Variants in TPST1 observed in about 807,000 individuals in gnomAD.
The protein encoded by TPST1 is tyrosylprotein sulfotransferase 1, also known as protein-tyrosine sulfotransferase 1.
Under a neutral mutation model 34.8 loss-of-function variants are expected in TPST1, and 20 were observed. The observed-to-expected ratio is 0.57, with a 90% confidence interval of 0.40 to 0.84. The LOEUF (loss-of-function observed/expected upper bound fraction) is 0.84. Ranked by LOEUF, TPST1 falls within the 40% of genes least tolerant of loss-of-function variation. The pLI is 0.00. For missense variants in TPST1, 353 were observed against 455.5 expected, an observed-to-expected ratio of 0.78 and a Z score of 2.05; for synonymous variants, 152 against 159.4, an observed-to-expected ratio of 0.95 and a Z score of 0.35.
intron 3 of TPST1, among the ~76,000 whole-genome samples, chr7:66,318,471 ATT>A (rs779603624): frequency 4.9e-5 from 7 of 143,360 alleles, no homozygotes; most frequent in Admixed American, 1.4e-4. Context: ...ATTCTTCAGA[ATT>A]TTTTTTTTTT....
intron 3 of TPST1, among the ~76,000 whole-genome samples, chr7:66,327,980 GTTTTTTTTTCTTTCT>G (rs1424996179): frequency 4.1e-5 from 2 of 48,724 alleles, no homozygotes; most frequent in African/African-American, 7.8e-5. Flanking sequence ...TGTTTTTGGT[GTTTTTTTTTCTTTCT>G]TTTTTTTTTC....
chr7:66,244,884 T>C (rs79308196), intron 2 of TPST1, among the ~76,000 whole-genome samples: 2,058 of 152,204 alleles, frequency 0.014, 56 homozygotes, highest in African/African-American at 0.046. Context: ...ATAGCAACTA[T>C]TAAACACAAA....
At chr7:66,223,109 C>A (rs1292022164) in intron 1 of TPST1, among the ~76,000 whole-genome samples, 2 of 152,002 alleles carry the variant, frequency 1.3e-5, no homozygotes, top group Non-Finnish European at 2.9e-5. Context: ...TAATTCAATG[C>A]CATCTTCTCT....
intron 1 of TPST1, among the ~76,000 whole-genome samples, chr7:66,230,440 C>T (rs1352068621): frequency 2.6e-5 from 4 of 152,148 alleles, no homozygotes; most frequent in Non-Finnish European, 5.9e-5. Context: ...GGAGTTTGTT[C>T]CTTCTGACAT....
chr7:66,318,195 AACTCTACT>A (rs1342701027), intron 3 of TPST1, among the ~76,000 whole-genome samples: 3 of 151,988 alleles, frequency 2.0e-5, no homozygotes, highest in Admixed American at 6.6e-5. Flanking sequence ...TTACTGTTCA[AACTCTACT>A]TGATAAAGTT....
chr7:66,245,105 T>C (rs1790120628), intron 2 of TPST1, among the ~76,000 whole-genome samples: 1 of 152,218 alleles, frequency 6.6e-6, no homozygotes, highest in Non-Finnish European at 1.5e-5. Flanking sequence ...GAAGAATAAT[T>C]AGTAATTTAT....
chr7:66,331,081 G>A (rs1052441693), intron 3 of TPST1, among the ~76,000 whole-genome samples: 2 of 152,146 alleles, frequency 1.3e-5, no homozygotes, highest in Non-Finnish European at 2.9e-5. Flanking sequence ...TCATGTGACT[G>A]TTGGCAGGCC....
At chr7:66,209,342 T>A (rs1431143731) in intron 1 of TPST1, among the ~76,000 whole-genome samples, 1 of 152,190 alleles carries the variant, frequency 6.6e-6, no homozygotes, top group African/African-American at 2.4e-5. Flanking sequence ...AGAATGGGCA[T>A]AATGAGCAAT....
At chr7:66,211,978 CA>C (rs1396003964) in intron 1 of TPST1, among the ~76,000 whole-genome samples, 1 of 151,948 alleles carries the variant, frequency 6.6e-6, no homozygotes, top group African/African-American at 2.4e-5. Flanking sequence ...AAGAAACAAA[CA>C]AAAAAACCCC....
At position 66,263,499 on chromosome 7, in the gene TPST1, G is replaced by A. The variant is rs144054133; in HGVS notation, c.845+22229G>A. Among the ~76,000 whole-genome samples, 5 of 152,224 alleles carry A rather than the reference G, an allele frequency of 3.3e-5. No individual in the cohort carries two copies. In the East Asian group the frequency reaches 7.7e-4, roughly 24 times the overall value. ...TATGTAGAGGCTGACAAAAACCTGA[G>A]GCAATATTTCTTCAAGCAAGCTACC... On this transcript the variant is annotated intron_variant, in intron 2 of 5. Coordinates refer to ENST00000304842, the MANE Select transcript of TPST1 (RefSeq NM_003596.4).
chr7:66,263,411 T>G (rs1345335461), intron 2 of TPST1, among the ~76,000 whole-genome samples: 2 of 152,182 alleles, frequency 1.3e-5, no homozygotes, highest in African/African-American at 4.8e-5. Flanking sequence ...CTGGCCTAAT[T>G]GCTCAGTTTC....
intron 2 of TPST1, among the ~76,000 whole-genome samples, chr7:66,268,835 C>T (rs565954892): frequency 1.6e-4 from 24 of 152,002 alleles, no homozygotes; most frequent in Middle Eastern, 3.4e-3. Flanking sequence ...ATTACAGGCA[C>T]GCGCCACCAC....
intron 3 of TPST1, among the ~76,000 whole-genome samples, chr7:66,315,743 C>T (rs1389346575): frequency 6.6e-6 from 1 of 151,880 alleles, no homozygotes; most frequent in Non-Finnish European, 1.5e-5. Context: ...AATGGAATTA[C>T]GGAGGGAGTA....
chr7:66,202,898 A>G (rs1180794846), upstream of TPST1, among the ~76,000 whole-genome samples: 1 of 152,136 alleles, frequency 6.6e-6, no homozygotes, highest in Admixed American at 6.6e-5. Flanking sequence ...ACATGGCAAA[A>G]CCCTGTCTCT....
upstream of TPST1, among the ~76,000 whole-genome samples, chr7:66,204,381 A>AATTTTTGT (rs1584127822): frequency 6.6e-6 from 1 of 152,110 alleles, no homozygotes; most frequent in East Asian, 1.9e-4. Context: ...ATGCCCGGCT[A>AATTTTTGT]ATTTTTGTAT....
At chr7:66,199,891 T>C in the TPST1 span, among the ~76,000 whole-genome samples, 1 of 151,896 alleles carries the variant, frequency 6.6e-6, no homozygotes. Context: ...TTGTTGTATT[T>C]TTAGAGAGGA....
At chr7:66,333,326 G>T (rs1180361879) in intron 3 of TPST1, among the ~76,000 whole-genome samples, 2 of 152,210 alleles carry the variant, frequency 1.3e-5, no homozygotes, top group African/African-American at 4.8e-5. Flanking sequence ...ACAAGTAAAA[G>T]CTATAAAGCA....
chr7:66,349,535 G>A (rs1275784766), intron 3 of TPST1, among the ~76,000 whole-genome samples: 1 of 152,166 alleles, frequency 6.6e-6, no homozygotes, highest in Non-Finnish European at 1.5e-5. Context: ...TTGCGCCATT[G>A]CACTCCAGCC....
At chr7:66,282,955 T>C (rs1463425057) in intron 2 of TPST1, among the ~76,000 whole-genome samples, 1 of 152,202 alleles carries the variant, frequency 6.6e-6, no homozygotes. Context: ...TTCTTAGCTC[T>C]CCTCACTTGC....
Sources: gnomAD v4.1 joint callset for allele counts (sites outside exome capture counted in the v4.1 genomes callset) on GRCh38, gnomAD v4.1.1 for gene constraint, MANE v1.5 for transcripts, NCBI Gene and HGNC (gene_info 2026-07-23, HGNC 2026-07-21) for gene names.